The following GSN variants were observed in gnomAD, a reference collection of about 807,000 sequenced individuals.
The protein encoded by GSN is gelsolin, also known as actin-depolymerizing factor.
Under a neutral mutation model 85.7 loss-of-function variants are expected in GSN, and 56 were observed. That is an observed-to-expected ratio of 0.65 (90% confidence interval 0.53 to 0.82). The LOEUF is 0.82. Among genes scored for constraint, GSN ranks in the 40% least tolerant of loss-of-function variants. The pLI is 0.00. For synonymous variants in GSN, 373 were observed against 399.1 expected, an observed-to-expected ratio of 0.93 and a Z score of 0.78; for missense variants, 857 against 979.8, an observed-to-expected ratio of 0.87 and a Z score of 1.67.
intron 2 of GSN, chr9:121,286,119 C>A: frequency 6.5e-7 from 1 of 1,535,504 alleles, no homozygotes. Context: ...CAGGAGAGGC[C>A]CACATAGCTC....
At chr9:121,319,157 C>A (rs1481344608) in intron 10 of GSN, among the ~76,000 whole-genome samples, 1 of 152,172 alleles carries the variant, frequency 6.6e-6, no homozygotes, top group Non-Finnish European at 1.5e-5. Flanking sequence ...GGAGGGAGCA[C>A]AGGGGATTGT....
intron 3 of GSN, among the ~76,000 whole-genome samples, chr9:121,302,429 C>T (rs146188672): frequency 6.6e-6 from 1 of 152,178 alleles, no homozygotes; most frequent in Admixed American, 6.5e-5. Flanking sequence ...CACTACCTCA[C>T]AGGAATGTTG....
At chr9:121,312,515 G>C (rs1282130033) in intron 6 of GSN, 27 bp downstream of exon 6, 1 of 1,581,358 alleles carries the variant, frequency 6.3e-7, no homozygotes, top group African/African-American at 1.3e-5. Flanking sequence ...CAATGGGGTG[G>C]CCATGGGGAC....
intron 2 of GSN, among the ~76,000 whole-genome samples, chr9:121,300,310 C>T (rs1200637391): frequency 2.0e-5 from 3 of 151,974 alleles, no homozygotes; most frequent in East Asian, 3.9e-4. Flanking sequence ...TTTTTCTCCC[C>T]TCTGCCTCAC....
chr9:121,328,042 G>A (rs754326964), intron 14 of GSN, among the ~76,000 whole-genome samples: 3 of 151,286 alleles, frequency 2.0e-5, no homozygotes, highest in Non-Finnish European at 4.4e-5. Flanking sequence ...GTGGAAGGAG[G>A]CGGTCCCTCG....
At chr9:121,212,996 G>A (rs980302870) in intron 4 of GSN, among the ~76,000 whole-genome samples, 2 of 152,048 alleles carry the variant, frequency 1.3e-5, no homozygotes, top group Admixed American at 6.5e-5. Flanking sequence ...TGGAGGGAAA[G>A]CTAAGGAGAA....
chr9:121,314,046 GC>G, intron 7 of GSN, 23 bp downstream of exon 7: 1 of 1,567,654 alleles, frequency 6.4e-7, no homozygotes, highest in Non-Finnish European at 8.8e-7. Context: ...TGCACTGTCT[GC>G]CTGGGCATGG....
At position 121,326,855 on chromosome 9, in the gene GSN, CCT is replaced by C. The variant is rs762843290; in HGVS notation, c.1587+174_1587+175del. The C allele has an allele frequency of 4.5e-5, 35 of 776,976 alleles. No individual in the cohort carries two copies. The Middle Eastern group carries it at 9.8e-4, about 22-fold the overall frequency. The allele number at this position is 776,976 out of a possible 1,614,324, so 48.1% of individuals were successfully genotyped here. ...CAGGGTTGTCTGTCTTAGACTCCCC[CCT>C]GTTTCAAGGATACCCAGTGTCCCTT... On this transcript the variant is annotated intron_variant, in intron 13 of 17. Transcript: ENST00000432226.
Position 121,329,173 on chromosome 9 carries a change from C to T in GSN, c.1888-65C>T. 1 of 1,461,614 alleles carries T rather than the reference C, an allele frequency of 6.8e-7. No individual in the cohort carries two copies. The highest frequency in any genetic ancestry group is 9.6e-7 in the Non-Finnish European group (1 of 1,042,600). 90.5% of individuals were successfully genotyped at this position (1,461,614 alleles called of 1,614,324 possible). ...CCAGCTGTGCCACTCCCTCAGGGGGCAGATAAAGGAAGGCCACCCAGGGGA... is the reference window on the plus strand; with the variant it reads ...CCAGCTGTGCCACTCCCTCAGGGGGTAGATAAAGGAAGGCCACCCAGGGGA... On this transcript the variant is annotated intron_variant, in intron 15 of 17. Coordinates refer to ENST00000432226, the MANE Select transcript of GSN (RefSeq NM_198252.3). The surrounding 1 kb of genome is among the most constrained non-coding windows in gnomAD (Gnocchi z 4.6).
At chr9:121,326,477 A>G (rs1189873598) in intron 12 of GSN, 35 bp from the exon 13 acceptor site, 6 of 1,592,636 alleles carry the variant, frequency 3.8e-6, no homozygotes, top group Non-Finnish European at 5.2e-6. Context: ...GCCTGCCCCC[A>G]AGGTCCCTGA....
intron 2 of GSN, among the ~76,000 whole-genome samples, chr9:121,288,038 C>T (rs571131069): frequency 3.7e-4 from 57 of 152,226 alleles, no homozygotes; most frequent in African/African-American, 1.3e-3. Flanking sequence ...GCGATCCTCC[C>T]ACCTCAGCCT....
intron 7 of GSN, among the ~76,000 whole-genome samples, chr9:121,315,446 C>T (rs146081493): frequency 4.3e-4 from 65 of 152,138 alleles, no homozygotes; most frequent in African/African-American, 1.5e-3. Flanking sequence ...GGTCACAGGC[C>T]GAAGAATGAG....
chr9:121,230,175 AACCT>A (rs2054359147), intron 4 of GSN, among the ~76,000 whole-genome samples: 2 of 152,154 alleles, frequency 1.3e-5, no homozygotes, highest in Non-Finnish European at 2.9e-5. Context: ...AATAGCTTTG[AACCT>A]TCTTTGTTTT....
At chr9:121,233,581 C>T (rs979678698) in intron 5 of GSN, among the ~76,000 whole-genome samples, 4 of 152,142 alleles carry the variant, frequency 2.6e-5, no homozygotes, top group Non-Finnish European at 4.4e-5. Context: ...CCAGTTAAAC[C>T]TTCAGATGGT....
At chr9:121,324,475 A>G (rs2062899382) in intron 11 of GSN, 79 bp from the exon 12 acceptor site, 4 of 741,532 alleles carry the variant, frequency 5.4e-6, no homozygotes, top group Non-Finnish European at 9.6e-6. Flanking sequence ...GGAGATGTGT[A>G]GGTTTCTCAG....
Position 121,318,965 on chromosome 9 carries a change from C to G in GSN, c.1191+85C>G, listed in dbSNP as rs776799655. ...GCCTCTTGCTTCCCCAAGGAGGTTT[C>G]TCTCTGAGGTTTGCACAACTTTGGT... On this transcript the variant is annotated intron_variant, in intron 10 of 17. Transcript: ENST00000432226. This position sits in a 1 kb window ranked among gnomAD's most constrained non-coding sequence, Gnocchi z 4.3. 36 of 1,126,808 alleles carry G rather than the reference C, an allele frequency of 3.2e-5. No homozygotes were observed. The highest frequency in any genetic ancestry group is 4.8e-5 in the Non-Finnish European group (36 of 749,362). The allele number at this position is 1,126,808 out of a possible 1,614,324, so 69.8% of individuals were successfully genotyped here.
chr9:121,208,980 T>C (rs2053926716), intron 1 of GSN, among the ~76,000 whole-genome samples: 2 of 152,250 alleles, frequency 1.3e-5, no homozygotes, highest in Admixed American at 6.5e-5. Context: ...CATTTGGGGC[T>C]CTATGCAGGA....
chr9:121,230,171 T>TC (rs2054359037), intron 4 of GSN, among the ~76,000 whole-genome samples: 2 of 152,212 alleles, frequency 1.3e-5, no homozygotes, highest in Non-Finnish European at 2.9e-5. Context: ...CTCCAATAGC[T>TC]TTGAACCTTC....
At chr9:121,286,934 C>T (rs1043382034) in intron 2 of GSN, among the ~76,000 whole-genome samples, 5 of 152,138 alleles carry the variant, frequency 3.3e-5, no homozygotes, top group Admixed American at 2.6e-4. Flanking sequence ...TTCAACAAGA[C>T]AATGCTTATA....
Sources: allele counts gnomAD v4.1 joint callset (sites outside exome capture counted in the v4.1 genomes callset), GRCh38; gene constraint gnomAD v4.1.1; non-coding constraint Gnocchi (gnomAD v3.1); transcripts MANE v1.5; gene names NCBI Gene and HGNC (gene_info 2026-07-23, HGNC 2026-07-21).